STAB2: variants seen among roughly 807,000 people sequenced by gnomAD.
STAB2 encodes stabilin 2, also known as stabilin-2.
A neutral mutation model predicts 338.1 loss-of-function variants in STAB2; 288 were observed. The observed-to-expected ratio is 0.85, with a 90% CI of 0.77 to 0.94. The LOEUF (loss-of-function observed/expected upper bound fraction) is 0.94. Ranked by LOEUF, STAB2 falls within the 40% of genes least tolerant of loss-of-function variation. STAB2 has a pLI of 0.00. For missense variants in STAB2, 3,141 were observed against 3,210.1 expected (o/e 0.98, Z 0.52); for synonymous variants, 1,202 against 1,193.3 (o/e 1.01, Z -0.15).
intron 61 of STAB2, 132 bp from the exon 62 acceptor site, chr12:103,755,170 G>A (rs536997532): frequency 2.4e-6 from 3 of 1,252,260 alleles, no homozygotes; most frequent in South Asian, 1.4e-5. Context: ...CTGTGTGCCA[G>A]GCACAGAGGT....
intron 58 of STAB2, 93 bp from the exon 59 acceptor site, chr12:103,748,870 A>T: frequency 7.5e-7 from 1 of 1,339,790 alleles, no homozygotes; most frequent in Non-Finnish European, 1.0e-6. Flanking sequence ...TACTCACCCA[A>T]CACCACTAGT....
rs757221223 is a variant in STAB2 at position 103,739,421 on chromosome 12, G to A, written c.5707G>A (p.Gly1903Arg). The A allele has an allele frequency of 6.3e-7, 1 of 1,591,436 alleles. No homozygotes were observed. Among genetic ancestry groups the A allele is most frequent in the Non-Finnish European group, 8.6e-7 (1 of 1,169,366 alleles). The change falls in exon 54 of 69, where the codon GGG (glycine) becomes AGG (arginine). Residue 1903 changes from glycine (G) to arginine (R), a missense_variant. By Grantham distance (125) the Gly-to-Arg change is moderately radical. Coordinates refer to ENST00000388887, the MANE Select transcript of STAB2 (RefSeq NM_017564.10). Reference sequence around the variant, plus strand: ...TTTTCTTGCATACTAGGGGGAGTGTGGGAGCTGTGTCAATACTCCCAGCTG... The same window carrying A: ...TTTTCTTGCATACTAGGGGGAGTGTAGGAGCTGTGTCAATACTCCCAGCTG... The part of the protein sequence containing the change: ...FTTFDASGEC[G>R]SCVNTPSCPR...
At chr12:103,712,223 A>G (rs1879925992) in intron 40 of STAB2, 144 bp from the exon 41 acceptor site, 1 of 719,886 alleles carries the variant, frequency 1.4e-6, no homozygotes, top group South Asian at 1.6e-5. Flanking sequence ...CCAGAATTAG[A>G]CTCTTCTCCC....
At chr12:103,590,826 T>A in intron 1 of STAB2, 71 bp from the exon 2 acceptor site, 1 of 1,576,792 alleles carries the variant, frequency 6.3e-7, no homozygotes, top group Non-Finnish European at 8.7e-7. Context: ...GTGGAGAAGA[T>A]TGGCCATGCT....
chr12:103,706,697 T>C (rs1000286534), intron 37 of STAB2, 95 bp from the exon 38 acceptor site: 3 of 1,517,484 alleles, frequency 2.0e-6, no homozygotes, highest in South Asian at 1.3e-5. Flanking sequence ...AAGAAACAGG[T>C]GCACAAGAAG....
chr12:103,653,531 C>CATGG (rs200766638), intron 12 of STAB2, among the ~76,000 whole-genome samples: 29,773 of 149,310 alleles, frequency 0.2, 3,301 homozygotes, highest in South Asian at 0.37. Context: ...ATGGATGATG[C>CATGG]ATGGATGGAT....
chr12:103,640,118 T>A lies in STAB2; in HGVS notation c.907-5T>A, dbSNP rs759607794. On this transcript the variant is annotated splice_polypyrimidine_tract_variant and splice_region_variant and intron_variant, in intron 8 of 68. Transcript: ENST00000388887. ...TATTTGTTTTTCTCTTCCTGTCTAC[T>A]GAAGTCTCACTGCGAGTGTAAGGAG... The A allele has an allele frequency of 6.2e-7, 1 of 1,609,312 alleles. No individual in the cohort carries two copies. Among genetic ancestry groups the A allele is most frequent in the South Asian group, 1.1e-5 (1 of 90,238 alleles).
At chr12:103,739,526 C>CGTGTGTGTGT in intron 54 of STAB2, 58 bp downstream of exon 54, 1 of 1,028,558 alleles carries the variant, frequency 9.7e-7, no homozygotes, top group Non-Finnish European at 1.4e-6. Context: ...CATTATCAGA[C>CGTGTGTGTGT]CTGTGTGTGT....
intron 3 of STAB2, among the ~76,000 whole-genome samples, chr12:103,619,325 T>A (rs1002423523): frequency 6.6e-6 from 1 of 152,144 alleles, no homozygotes; most frequent in Non-Finnish European, 1.5e-5. Flanking sequence ...TCAGAGCTCA[T>A]CCATATTGGC....
rs141819350 is a variant in STAB2, at chr12:103,649,319, GT to G, written c.1174+497del. 7.5e-3 allele frequency among the ~76,000 whole-genome samples: 1,145 copies of G among 152,288 alleles called. 19 individuals carry two copies. The highest frequency in any genetic ancestry group is 0.026 in the African/African-American group (1,097 of 41,558). ...CCATCTTAGCACCCTTGGTCCCCCA[GT>G]CACTAATTGCCTACAGTGACACATT... is the stretch of plus-strand genomic sequence containing the variant. On this transcript the variant is annotated intron_variant, in intron 10 of 68. Transcript: ENST00000388887.
At chr12:103,716,857 G>A (rs1188501391) in intron 43 of STAB2, among the ~76,000 whole-genome samples, 2 of 152,208 alleles carry the variant, frequency 1.3e-5, no homozygotes, top group African/African-American at 2.4e-5. Flanking sequence ...CAGTAAAGGA[G>A]GATGTGGAGT....
intron 40 of STAB2, 79 bp downstream of exon 40, chr12:103,711,595 CAG>C (rs1423758275): frequency 4.6e-6 from 7 of 1,509,434 alleles, no homozygotes; most frequent in Non-Finnish European, 5.4e-6. Context: ...TCTCTATCCT[CAG>C]GGGATTTGTT....
chr12:103,712,584 TTG>T, intron 41 of STAB2, 141 bp downstream of exon 41: 2 of 687,146 alleles, frequency 2.9e-6, no homozygotes, highest in South Asian at 3.3e-5. Flanking sequence ...GGGCAGTTGA[TTG>T]TGCCTGGGGA....
In STAB2 at chr12:103,749,872, A is replaced by AG. The variant is rs1566075244; in HGVS notation, c.6439-706dup. On this transcript the variant is annotated intron_variant, in intron 59 of 68. Transcript: ENST00000388887. ...AAAAAAAAAAAAAAAAAAAAAAAAA[A>AG]GCTGGTAAGATGTGGCAGGAAAAGT... Among the ~76,000 whole-genome samples, 40 of 131,480 alleles carry AG rather than the reference A, an allele frequency of 3.0e-4. 4 individuals carry two copies. The highest frequency in any genetic ancestry group is 5.5e-4 in the Non-Finnish European group (35 of 63,122). The allele number at this position is 131,480 out of a possible 152,430, so 86.3% of individuals were successfully genotyped here.
chr12:103,616,013 C>T (rs990607515), intron 3 of STAB2, among the ~76,000 whole-genome samples: 15 of 152,126 alleles, frequency 9.9e-5, no homozygotes, highest in African/African-American at 2.2e-4. Context: ...GGAAATCTGC[C>T]TTTGTAAAAG....
intron 18 of STAB2, among the ~76,000 whole-genome samples, chr12:103,663,224 G>A (rs1874777589): frequency 6.6e-6 from 1 of 152,210 alleles, no homozygotes; most frequent in African/African-American, 2.4e-5. Context: ...ATGCTGCCCA[G>A]GAATATTGGC....
In STAB2 at chr12:103,727,342, G is replaced by A; in HGVS notation, c.4927G>A (p.Glu1643Lys). 17 of 1,614,226 alleles carry A rather than the reference G, an allele frequency of 1.1e-5. No individual in the cohort carries two copies. Among genetic ancestry groups the A allele is most frequent in the Non-Finnish European group, 1.4e-5 (17 of 1,180,026 alleles). ...ACCTTTATCTGCAGCCTTTGATGAG[G>A]AAGCTCGGGTGAGCATGAGACTGTG... Reference protein sequence around the residue: ...FAPLSAAFDEEARVKDWDKYG... With the variant: ...FAPLSAAFDEKARVKDWDKYG... Residue 1643 changes from glutamate (E) to lysine (K), a missense_variant, in exon 47 of 69, where the codon GAA becomes AAA. Transcript: ENST00000388887.
chr12:103,668,879 T>C, intron 20 of STAB2, 150 bp downstream of exon 20: 1 of 652,582 alleles, frequency 1.5e-6, no homozygotes, highest in Non-Finnish European at 2.6e-6. Context: ...ATTCTTCATA[T>C]GGTGGCCAGA....
intron 7 of STAB2, 122 bp downstream of exon 7, chr12:103,637,358 G>C (rs1003015636): frequency 7.5e-7 from 1 of 1,335,390 alleles, no homozygotes; most frequent in African/African-American, 1.5e-5. Context: ...GTGTAGTTGA[G>C]TGAAACGTAT....
Sources: allele counts gnomAD v4.1 joint callset (sites outside exome capture counted in the v4.1 genomes callset), GRCh38; gene constraint gnomAD v4.1.1; transcripts MANE v1.5; gene names NCBI Gene and HGNC (gene_info 2026-07-23, HGNC 2026-07-21).